Variants in CSMD1 observed in about 807,000 individuals in gnomAD.
CSMD1 encodes the protein CUB and sushi domain-containing protein 1.
In CSMD1, 213 loss-of-function variants were observed where a neutral mutation model predicts 417.5. That is an observed-to-expected ratio of 0.51 (90% confidence interval 0.46 to 0.57). CSMD1 has a LOEUF of 0.57. CSMD1 is among the 20% of genes least tolerant of loss of function. The probability of loss-of-function intolerance (pLI) is 0.00; values close to 1 mark genes in which losing one functional copy is unlikely to be tolerated. For synonymous variants in CSMD1, 2,862 were observed against 1,736.8 expected, an observed-to-expected ratio of 1.65 and a Z score of -16.11; for missense variants, 6,923 against 4,529.7, an observed-to-expected ratio of 1.53 and a Z score of -15.17.
intron 23 of CSMD1, among the ~76,000 whole-genome samples, chr8:3,328,173 A>T (rs1032310736): frequency 2.6e-5 from 4 of 152,202 alleles, no homozygotes; most frequent in Admixed American, 6.5e-5. Flanking sequence ...TGGTTCTTGG[A>T]TGCATCTCTA....
At chr8:3,775,971 G>A (rs1490072459) in intron 5 of CSMD1, among the ~76,000 whole-genome samples, 1 of 152,164 alleles carries the variant, frequency 6.6e-6, no homozygotes, top group Non-Finnish European at 1.5e-5. Flanking sequence ...CATGTCATCA[G>A]CCCAGGCTTC....
chr8:3,052,688 A>C, intron 49 of CSMD1, 41 bp from the exon 50 acceptor site: 1 of 1,412,238 alleles, frequency 7.1e-7, no homozygotes, highest in Non-Finnish European at 9.4e-7. Flanking sequence ...TTCTTACAGA[A>C]ATTATTTTCC....
intron 3 of CSMD1, among the ~76,000 whole-genome samples, chr8:4,284,476 T>C (rs1028811293): frequency 2.6e-5 from 4 of 151,634 alleles, no homozygotes; most frequent in African/African-American, 9.7e-5. Context: ...TGTGGCTTTC[T>C]GTTTCCACAT....
At chr8:4,534,352 C>T (rs755607322) in intron 2 of CSMD1, among the ~76,000 whole-genome samples, 9 of 152,244 alleles carry the variant, frequency 5.9e-5, no homozygotes, top group Non-Finnish European at 1.2e-4. Flanking sequence ...GCAATTTTTG[C>T]TATAAACCTC....
chr8:2,959,846 A>G (rs532820786), intron 62 of CSMD1, among the ~76,000 whole-genome samples: 2 of 152,310 alleles, frequency 1.3e-5, no homozygotes, highest in Non-Finnish European at 2.9e-5. Context: ...GGAGAGCTGC[A>G]TTTCATGGTC....
intron 37 of CSMD1, among the ~76,000 whole-genome samples, chr8:3,170,480 T>G (rs1462574423): frequency 6.6e-6 from 1 of 152,226 alleles, no homozygotes; most frequent in Non-Finnish European, 1.5e-5. Context: ...AGTGCTGGGA[T>G]TACAGGCGTG....
Position 3,466,794 on chromosome 8 carries a change from C to T in CSMD1, c.1561+1918G>A, listed in dbSNP as rs73660039. On this transcript the variant is annotated intron_variant, in intron 12 of 69. Coordinates refer to ENST00000635120, the MANE Select transcript of CSMD1 (RefSeq NM_033225.6). ...GTCAAATAATATAAAATTATGTATA[C>T]GCATAAAGGTCACTTTTATAAGTGA... Among the ~76,000 whole-genome samples, 999 of 152,038 alleles carry T rather than the reference C, an allele frequency of 6.6e-3. 14 individuals are homozygous for T. Among genetic ancestry groups the T allele is most frequent in the African/African-American group, 0.022 (900 of 41,448 alleles).
chr8:3,493,578 C>G lies in CSMD1; in HGVS notation c.1448+45G>C, dbSNP rs772963786. On this transcript the variant is annotated intron_variant, in intron 11 of 69. Coordinates refer to ENST00000635120, the MANE Select transcript of CSMD1 (RefSeq NM_033225.6). ...AATCTCATCTCCACCCACCGTGCCC[C>G]GCACTGCATGCATAAGAGAAGAAGA... 2.0e-6 allele frequency: 3 copies of G among 1,507,064 alleles called. No homozygotes were observed. The South Asian group carries it at 3.6e-5, about 18-fold the overall frequency. The allele number at this position is 1,507,064 out of a possible 1,614,324, so 93.4% of individuals were successfully genotyped here.
At chr8:3,062,668 C>A (rs1233070437) in intron 49 of CSMD1, among the ~76,000 whole-genome samples, 1 of 148,330 alleles carries the variant, frequency 6.7e-6, no homozygotes, top group Admixed American at 6.7e-5. Context: ...CACTTCATAA[C>A]CCAAGGAAGA....
chr8:4,636,345 G>C (rs561957771), intron 2 of CSMD1, among the ~76,000 whole-genome samples: 1 of 152,210 alleles, frequency 6.6e-6, no homozygotes, highest in South Asian at 2.1e-4. Flanking sequence ...ACCAGGAAAT[G>C]TTTTGCTTTC....
chr8:3,158,838 G>A (rs530962492), intron 38 of CSMD1, among the ~76,000 whole-genome samples: 178 of 152,028 alleles, frequency 1.2e-3, no homozygotes, highest in African/African-American at 3.6e-3. Context: ...TGGCATAGAG[G>A]CAATTGAAAA....
At chr8:4,152,062 C>T (rs1796597724) in intron 3 of CSMD1, among the ~76,000 whole-genome samples, 1 of 151,972 alleles carries the variant, frequency 6.6e-6, no homozygotes, top group African/African-American at 2.4e-5. Flanking sequence ...TAATTTTTTT[C>T]CCTTTATTAA....
At chr8:4,074,043 A>G (rs1265373511) in intron 3 of CSMD1, among the ~76,000 whole-genome samples, 1 of 152,098 alleles carries the variant, frequency 6.6e-6, no homozygotes, top group Non-Finnish European at 1.5e-5. Context: ...GCTTTTAGAC[A>G]TTTAGTTTTG....
intron 5 of CSMD1, among the ~76,000 whole-genome samples, chr8:3,859,450 T>C (rs1804538522): frequency 6.6e-6 from 1 of 152,228 alleles, no homozygotes; most frequent in Admixed American, 6.5e-5. Flanking sequence ...CAGAAATGCC[T>C]GGACTTTGTG....
At chr8:4,738,629 T>C (rs1810398838) in intron 1 of CSMD1, among the ~76,000 whole-genome samples, 1 of 152,106 alleles carries the variant, frequency 6.6e-6, no homozygotes, top group African/African-American at 2.4e-5. Context: ...TTAAATATAA[T>C]TACATTTTCC....
chr8:3,728,648 G>C (rs1196302298), intron 6 of CSMD1, among the ~76,000 whole-genome samples: 1 of 152,154 alleles, frequency 6.6e-6, no homozygotes, highest in African/African-American at 2.4e-5. Flanking sequence ...CAGTCGTGTG[G>C]GGAGCACAGA....
At chr8:3,563,795 G>C (rs11987889) in intron 10 of CSMD1, among the ~76,000 whole-genome samples, 4 of 151,614 alleles carry the variant, frequency 2.6e-5, no homozygotes, top group African/African-American at 4.9e-5. Flanking sequence ...AGGCTGAAGG[G>C]GGAGAATTTC....
At chr8:3,614,392 T>C (rs937148646) in intron 8 of CSMD1, among the ~76,000 whole-genome samples, 10 of 152,104 alleles carry the variant, frequency 6.6e-5, no homozygotes, top group African/African-American at 2.4e-4. Flanking sequence ...TTAATGTTCA[T>C]CCTGAATTTA....
chr8:4,385,129 G>A (rs1449750517), intron 3 of CSMD1, among the ~76,000 whole-genome samples: 1 of 149,718 alleles, frequency 6.7e-6, no homozygotes, highest in African/African-American at 2.5e-5. Flanking sequence ...GTTTCACCAT[G>A]TTGGCCAGGC....
Sources: allele counts gnomAD v4.1 joint callset (sites outside exome capture counted in the v4.1 genomes callset), GRCh38; gene constraint gnomAD v4.1.1; transcripts MANE v1.5; gene names NCBI Gene and HGNC (gene_info 2026-07-23, HGNC 2026-07-21).